The following PCDHA6 variants were observed in gnomAD, a reference collection of about 807,000 sequenced individuals.
The protein encoded by PCDHA6 is protocadherin alpha 6.
A neutral mutation model predicts 60.3 loss-of-function variants in PCDHA6; 55 were observed. That is an observed-to-expected ratio of 0.91 (90% confidence interval 0.73 to 1.14). The LOEUF (loss-of-function observed/expected upper bound fraction) is 1.14, where lower values mean the gene tolerates loss of function less well. PCDHA6 is among the 50% of genes most tolerant of loss of function. PCDHA6 has a pLI of 0.00. For missense variants in PCDHA6, 1,327 were observed against 1,256.5 expected (o/e 1.06, Z -0.85); for synonymous variants, 652 against 557.9 (o/e 1.17, Z -2.38).
intron 1 of PCDHA6, chr5:140,856,061 T>A (rs782207999): frequency 1.3e-6 from 2 of 1,588,972 alleles, no homozygotes; most frequent in Non-Finnish European, 8.6e-7. Context: ...GGTTTCCAGA[T>A]GTAGCTGCCT....
chr5:140,929,539 G>A (rs155821), intron 1 of PCDHA6: 194,060 of 591,620 alleles, frequency 0.33, 32,601 homozygotes, highest in East Asian at 0.49. Flanking sequence ...TGAGAAACAA[G>A]GGCAAAAATT....
At chr5:140,895,435 C>T (rs2065005335) in intron 1 of PCDHA6, among the ~76,000 whole-genome samples, 2 of 152,134 alleles carry the variant, frequency 1.3e-5, no homozygotes, top group African/African-American at 4.8e-5. Context: ...CCTCCTGAGA[C>T]TCTTTTCATG....
intron 1 of PCDHA6, chr5:140,851,710 G>C: frequency 1.0e-6 from 1 of 958,600 alleles, no homozygotes; most frequent in Non-Finnish European, 1.3e-6. Context: ...GCCATGTGAA[G>C]ATTCGAAACT....
chr5:140,926,424 G>A (rs894649962), intron 1 of PCDHA6: 2 of 153,468 alleles, frequency 1.3e-5, no homozygotes, highest in African/African-American at 4.8e-5. Context: ...AGAGGATGTG[G>A]AGGTTAAGAT....
At chr5:140,856,666 G>A (rs782273873) in intron 1 of PCDHA6, 1 of 1,598,010 alleles carries the variant, frequency 6.3e-7, no homozygotes, top group Admixed American at 1.7e-5. Flanking sequence ...AAAATCCTCA[G>A]CTAAAGTTGT....
At chr5:140,870,325 C>G in intron 1 of PCDHA6, 1 of 1,614,198 alleles carries the variant, frequency 6.2e-7, no homozygotes. Flanking sequence ...CTCGTTGGTG[C>G]TGGACAGCGC....
intron 1 of PCDHA6, chr5:140,884,351 G>A: frequency 6.2e-7 from 1 of 1,613,946 alleles, no homozygotes; most frequent in Non-Finnish European, 8.5e-7. Context: ...GGCGCTGGTG[G>A]ATGTCAATGT....
intron 1 of PCDHA6, chr5:140,836,833 A>G (rs2150270629): frequency 1.5e-5 from 13 of 887,974 alleles, no homozygotes; most frequent in Non-Finnish European, 2.2e-5. Flanking sequence ...TTTAGTTGAT[A>G]GCTTTATGTA....
intron 3 of PCDHA6, among the ~76,000 whole-genome samples, chr5:140,997,463 C>A (rs2097770932): frequency 6.6e-6 from 1 of 152,198 alleles, no homozygotes; most frequent in Admixed American, 6.5e-5. Context: ...ATACTGTAGG[C>A]AATTTTTACA....
At chr5:141,004,192 C>G (rs2098157863) in intron 3 of PCDHA6, among the ~76,000 whole-genome samples, 1 of 152,192 alleles carries the variant, frequency 6.6e-6, no homozygotes, top group African/African-American at 2.4e-5. Flanking sequence ...TGCTCTTAAC[C>G]AAAAGGAATT....
chr5:140,966,190 C>G (rs1251814900), intron 1 of PCDHA6: 1 of 203,228 alleles, frequency 4.9e-6, no homozygotes, highest in Non-Finnish European at 9.7e-6. Context: ...AGCCAGACTT[C>G]TAGGGGCTTG....
intron 1 of PCDHA6, chr5:140,884,024 G>A: frequency 6.2e-7 from 1 of 1,613,318 alleles, no homozygotes; most frequent in Non-Finnish European, 8.5e-7. Flanking sequence ...GCGGTCGGTG[G>A]GTGCAGGCCA....
At chr5:140,929,386 GAA>G in intron 1 of PCDHA6, 1 of 1,511,328 alleles carries the variant, frequency 6.6e-7, no homozygotes, top group Non-Finnish European at 8.9e-7. Context: ...GCTGTGTTTT[GAA>G]ATATTTCTTA....
intron 1 of PCDHA6, among the ~76,000 whole-genome samples, chr5:140,894,455 T>C (rs1316862860): frequency 6.6e-6 from 1 of 152,000 alleles, no homozygotes; most frequent in Non-Finnish European, 1.5e-5. Flanking sequence ...TTAAAAAATA[T>C]TTTACTTTTT....
At chr5:140,884,532 G>A in intron 1 of PCDHA6, 2 of 1,614,042 alleles carry the variant, frequency 1.2e-6, no homozygotes, top group South Asian at 2.2e-5. Flanking sequence ...CAGCAGAGGC[G>A]GCCGAGGGTG....
At chr5:140,898,321 G>A (rs370229202) in intron 1 of PCDHA6, among the ~76,000 whole-genome samples, 42 of 152,060 alleles carry the variant, frequency 2.8e-4, no homozygotes, top group Non-Finnish European at 1.2e-4. Flanking sequence ...TTATGGTTTT[G>A]GGTCTAACGT....
chr5:140,978,829 T>C, intron 1 of PCDHA6, 120 bp from the exon 2 acceptor site: 1 of 1,533,852 alleles, frequency 6.5e-7, no homozygotes, highest in Non-Finnish European at 8.8e-7. Flanking sequence ...ATGAAATGGC[T>C]CATTCAATAC....
In PCDHA6 at chr5:140,884,393, A is replaced by T. The variant is rs782150859; in HGVS notation, c.2394+53908A>T. 6.8e-6 allele frequency: 11 copies of T among 1,613,878 alleles called. No individual in the cohort carries two copies. In the South Asian group the frequency reaches 1.1e-4, roughly 16 times the overall value. On this transcript the variant is annotated intron_variant, in intron 1 of 3. Transcript: ENST00000529310. Reference sequence around the variant, plus strand: ...GATCATTGCCATCTGCGCGGTGTCCAGCCTGTTGGTGCTCACGTTGCTGCT... The same window carrying T: ...GATCATTGCCATCTGCGCGGTGTCCTGCCTGTTGGTGCTCACGTTGCTGCT...
Position 140,849,746 on chromosome 5 carries a change from T to G in PCDHA6, c.2394+19261T>G, listed in dbSNP as rs2150447912. On this transcript the variant is annotated intron_variant, in intron 1 of 3. Transcript: ENST00000529310. ...TGGACAGAGCTCTGGACCGCGAGAG[T>G]GTGTCCGCCTACGAGCTGGTGGTTA... The G allele has an allele frequency of 2.3e-5, 37 of 1,597,844 alleles. 5 individuals carry two copies. Among genetic ancestry groups the G allele is most frequent in the Admixed American group, 6.8e-5 (4 of 59,208 alleles).
Sources: gnomAD v4.1 joint callset for allele counts (sites outside exome capture counted in the v4.1 genomes callset) on GRCh38, gnomAD v4.1.1 for gene constraint, MANE v1.5 for transcripts, NCBI Gene and HGNC (gene_info 2026-07-23, HGNC 2026-07-21) for gene names.